UBE2R2: variants seen among roughly 807,000 people sequenced by gnomAD.
UBE2R2 encodes the protein ubiquitin conjugating enzyme E2 R2.
A neutral mutation model predicts 27.8 loss-of-function variants in UBE2R2; 1 was observed. The ratio of observed to expected loss-of-function variants is 0.04; its 90% CI spans 0.01 to 0.17. The LOEUF is 0.17. UBE2R2 is among the 10% of genes least tolerant of loss of function. The pLI, the probability that UBE2R2 is intolerant of heterozygous loss-of-function variation, is 1.00. For synonymous variants in UBE2R2, 106 were observed against 113.3 expected (o/e 0.94, Z 0.41); for missense variants, 100 against 291.0 (o/e 0.34, Z 4.78).
intron 1 of UBE2R2, among the ~76,000 whole-genome samples, chr9:33,858,031 G>A (rs1395172771): frequency 3.9e-5 from 6 of 152,136 alleles, no homozygotes. Context: ...TTCTCCTAAT[G>A]GAGAGTTTTT....
At chr9:33,843,701 A>G (rs749330507) in intron 1 of UBE2R2, among the ~76,000 whole-genome samples, 80 of 150,434 alleles carry the variant, frequency 5.3e-4, no homozygotes, top group Non-Finnish European at 2.5e-4. Flanking sequence ...CTGATCTTGA[A>G]CTCCTGACCT....
chr9:33,817,337 G>A lies in UBE2R2; in HGVS notation c.-421G>A, dbSNP rs1296483576. ...GGCCCCTGCGGCCCCCGAAGAGAAC[G>A]AGAGGGCGAGCGAGCGCGGCGTTCC... On this transcript the variant is annotated 5_prime_UTR_variant, in exon 1 of 5. Transcript: ENST00000263228. Among the ~76,000 whole-genome samples, 1 of 148,762 alleles carries A rather than the reference G, an allele frequency of 6.7e-6. No homozygotes were observed. Among genetic ancestry groups the A allele is most frequent in the Non-Finnish European group, 1.5e-5 (1 of 66,904 alleles).
intron 1 of UBE2R2, among the ~76,000 whole-genome samples, chr9:33,821,084 A>G (rs1825973835): frequency 6.6e-6 from 1 of 152,112 alleles, no homozygotes; most frequent in African/African-American, 2.4e-5. Context: ...TCGGAATTTT[A>G]TTGTTACTAG....
intron 1 of UBE2R2, among the ~76,000 whole-genome samples, chr9:33,870,638 TA>T (rs1357075501): frequency 6.6e-6 from 1 of 152,118 alleles, no homozygotes; most frequent in Non-Finnish European, 1.5e-5. Context: ...GACAAAATGA[TA>T]AATGGGAAAA....
At chr9:33,882,351 A>G (rs1821747896) in intron 1 of UBE2R2, among the ~76,000 whole-genome samples, 1 of 152,032 alleles carries the variant, frequency 6.6e-6, no homozygotes, top group African/African-American at 2.4e-5. Flanking sequence ...CAGTGGTGCG[A>G]TCTCGGCTCA....
At chr9:33,824,465 T>C (rs1820257210) in intron 1 of UBE2R2, among the ~76,000 whole-genome samples, 1 of 151,878 alleles carries the variant, frequency 6.6e-6, no homozygotes, top group Admixed American at 6.6e-5. Context: ...TGAAACCCCA[T>C]CTCTACTAAA....
At chr9:33,899,559 G>C (rs1822199468) in intron 2 of UBE2R2, among the ~76,000 whole-genome samples, 1 of 152,190 alleles carries the variant, frequency 6.6e-6, no homozygotes. Context: ...ATTTTTAGTA[G>C]AGACGGGGTT....
At chr9:33,866,922 GT>G (rs1162055525) in intron 1 of UBE2R2, among the ~76,000 whole-genome samples, 2 of 152,126 alleles carry the variant, frequency 1.3e-5, no homozygotes, top group East Asian at 3.8e-4. Flanking sequence ...CTTGTTCCCT[GT>G]TTTAATGATT....
intron 1 of UBE2R2, among the ~76,000 whole-genome samples, chr9:33,828,946 A>G (rs975737283): frequency 2.0e-5 from 3 of 150,760 alleles, no homozygotes; most frequent in Admixed American, 6.6e-5. Flanking sequence ...TGTTGGCCAG[A>G]CTCGTCTCGA....
chr9:33,902,580 G>T (rs1822267256), intron 3 of UBE2R2, among the ~76,000 whole-genome samples: 1 of 152,102 alleles, frequency 6.6e-6, no homozygotes, highest in Admixed American at 6.6e-5. Context: ...TTGCTACAGG[G>T]AGACATAATT....
intron 1 of UBE2R2, among the ~76,000 whole-genome samples, chr9:33,820,723 C>T (rs771437748): frequency 3.3e-5 from 5 of 152,154 alleles, no homozygotes; most frequent in African/African-American, 9.7e-5. Flanking sequence ...CATAGTCATT[C>T]GTGAAGGCAG....
At chr9:33,910,893 A>C (rs1244536268) in intron 3 of UBE2R2, among the ~76,000 whole-genome samples, 1 of 152,218 alleles carries the variant, frequency 6.6e-6, no homozygotes, top group Admixed American at 6.5e-5. Context: ...ACTTAAGGCC[A>C]GGAGTTCATG....
chr9:33,829,661 T>C (rs191681123), intron 1 of UBE2R2, among the ~76,000 whole-genome samples: 1 of 152,326 alleles, frequency 6.6e-6, no homozygotes, highest in East Asian at 1.9e-4. Flanking sequence ...AATGCCTTGA[T>C]ATTTTCCAAG....
chr9:33,901,151 G>C (rs1469606766), intron 3 of UBE2R2, among the ~76,000 whole-genome samples: 1 of 152,070 alleles, frequency 6.6e-6, no homozygotes, highest in African/African-American at 2.4e-5. Flanking sequence ...AAATTTTCTT[G>C]TTTTTGATGA....
At chr9:33,859,024 C>G (rs1821166598) in intron 1 of UBE2R2, among the ~76,000 whole-genome samples, 2 of 152,026 alleles carry the variant, frequency 1.3e-5, no homozygotes, top group Admixed American at 1.3e-4. Context: ...CAGGGTTTCA[C>G]CATGTTGGCC....
At chr9:33,834,835 G>A (rs1437221958) in intron 1 of UBE2R2, among the ~76,000 whole-genome samples, 5 of 151,446 alleles carry the variant, frequency 3.3e-5, no homozygotes, top group African/African-American at 4.8e-5. Flanking sequence ...CCTTGTTCCC[G>A]GGAGGTGGAG....
At chr9:33,904,535 T>TTCAGCACCTCA (rs1822310613) in intron 3 of UBE2R2, among the ~76,000 whole-genome samples, 1 of 152,212 alleles carries the variant, frequency 6.6e-6, no homozygotes, top group African/African-American at 2.4e-5. Flanking sequence ...TGGACATATT[T>TTCAGCACCTCA]ATAACATAAA....
At chr9:33,884,198 A>ATCTC (rs777923492) in intron 1 of UBE2R2, among the ~76,000 whole-genome samples, 7,526 of 63,362 alleles carry the variant, frequency 0.12, 785 homozygotes, top group Non-Finnish European at 0.14. Flanking sequence ...CAACTTAAGA[A>ATCTC]TCTCTCTCTC....
intron 1 of UBE2R2, among the ~76,000 whole-genome samples, chr9:33,842,111 A>G (rs921223737): frequency 1.3e-5 from 2 of 152,148 alleles, no homozygotes; most frequent in African/African-American, 4.8e-5. Context: ...TAAAGATACT[A>G]TATTTAGGGT....
Sources: allele counts gnomAD v4.1 joint callset (sites outside exome capture counted in the v4.1 genomes callset), GRCh38; gene constraint gnomAD v4.1.1; transcripts MANE v1.5; gene names NCBI Gene and HGNC (gene_info 2026-07-23, HGNC 2026-07-21).